The following CCDC178 variants were observed in gnomAD, a reference collection of about 807,000 sequenced individuals.
CCDC178 encodes coiled-coil domain containing 178.
CCDC178 carries 126 observed loss-of-function variants against 117.4 expected under a neutral mutation model. The observed-to-expected ratio is 1.07, with a 90% CI of 0.93 to 1.24. The LOEUF is 1.24. CCDC178 is among the 50% of genes most tolerant of loss of function. The pLI, the probability that CCDC178 is intolerant of heterozygous loss-of-function variation, is 0.00. For missense variants in CCDC178, 1,030 were observed against 986.9 expected (o/e 1.04, Z -0.59); for synonymous variants, 283 against 313.4 (o/e 0.90, Z 1.02).
intron 20 of CCDC178, among the ~76,000 whole-genome samples, chr18:33,150,395 T>G (rs271505): frequency 0.16 from 24,523 of 152,096 alleles, 2,762 homozygotes; most frequent in African/African-American, 0.32. Context: ...TGGGACCTAA[T>G]TAAACTAAAA....
At chr18:32,957,265 A>G (rs943629803) in intron 22 of CCDC178, among the ~76,000 whole-genome samples, 5 of 152,198 alleles carry the variant, frequency 3.3e-5, no homozygotes, top group African/African-American at 9.6e-5. Context: ...TAGAAATCAT[A>G]TGTTTAAAAG....
At chr18:33,236,066 A>G (rs1347458623) in intron 15 of CCDC178, among the ~76,000 whole-genome samples, 1 of 152,226 alleles carries the variant, frequency 6.6e-6, no homozygotes, top group Non-Finnish European at 1.5e-5. Flanking sequence ...CTGGCATTTT[A>G]CAGATGCATT....
chr18:33,433,561 T>C (rs975121155), intron 2 of CCDC178, among the ~76,000 whole-genome samples: 2 of 152,102 alleles, frequency 1.3e-5, no homozygotes, highest in Non-Finnish European at 2.9e-5. Flanking sequence ...CAGATCCCAG[T>C]AAGCCATCTA....
At position 33,014,871 on chromosome 18, in the gene CCDC178, G is replaced by A. The variant is rs76517466; in HGVS notation, c.2389-40190C>T. 2.9e-3 allele frequency among the ~76,000 whole-genome samples: 437 copies of A among 152,058 alleles called. 5 individuals carry two copies. Among genetic ancestry groups the A allele is most frequent in the African/African-American group, 1.0e-2 (414 of 41,496 alleles). On this transcript the variant is annotated intron_variant, in intron 21 of 22. Coordinates refer to ENST00000383096, the MANE Select transcript of CCDC178 (RefSeq NM_001105528.4). ...AAATAACAAGAACAAAAAACCCTGG[G>A]GAGAAAAAATTCGATTTCCAGAGTT...
intron 11 of CCDC178, among the ~76,000 whole-genome samples, chr18:33,298,891 C>T (rs2062141056): frequency 6.6e-6 from 1 of 151,262 alleles, no homozygotes; most frequent in East Asian, 1.9e-4. Context: ...AAAATAGCTA[C>T]AAAAAAAACT....
At chr18:33,014,729 A>G (rs764814518) in intron 21 of CCDC178, among the ~76,000 whole-genome samples, 2 of 152,186 alleles carry the variant, frequency 1.3e-5, no homozygotes, top group Non-Finnish European at 2.9e-5. Context: ...TCAAATTACT[A>G]GTCTGTTTGG....
At chr18:33,342,823 TAATAACTG>T (rs1328291402) in intron 9 of CCDC178, among the ~76,000 whole-genome samples, 2 of 152,180 alleles carry the variant, frequency 1.3e-5, no homozygotes, top group African/African-American at 2.4e-5. Flanking sequence ...ACAATTGTAG[TAATAACTG>T]AATAACTGAA....
chr18:33,432,762 C>T (rs995728246), intron 2 of CCDC178, among the ~76,000 whole-genome samples: 1 of 152,032 alleles, frequency 6.6e-6, no homozygotes, highest in Non-Finnish European at 1.5e-5. Flanking sequence ...TTTAATTGCA[C>T]GGCTTTGTCC....
At chr18:33,181,888 T>C (rs1306660539) in intron 20 of CCDC178, among the ~76,000 whole-genome samples, 1 of 151,812 alleles carries the variant, frequency 6.6e-6, no homozygotes, top group African/African-American at 2.4e-5. Flanking sequence ...AAGTCACTAA[T>C]CATAAAATCT....
At chr18:32,968,551 A>C (rs550891311) in intron 22 of CCDC178, among the ~76,000 whole-genome samples, 1 of 152,060 alleles carries the variant, frequency 6.6e-6, no homozygotes, top group Admixed American at 6.6e-5. Flanking sequence ...TGTGGTAGTT[A>C]TAGTTTTATT....
chr18:32,945,048 T>C (rs1568171549), intron 22 of CCDC178, among the ~76,000 whole-genome samples: 2 of 152,318 alleles, frequency 1.3e-5, no homozygotes, highest in East Asian at 1.9e-4. Flanking sequence ...AATAATATTC[T>C]AGCTAGTCAT....
chr18:33,331,944 T>C (rs747339034), intron 10 of CCDC178, among the ~76,000 whole-genome samples: 1 of 152,226 alleles, frequency 6.6e-6, no homozygotes, highest in Non-Finnish European at 1.5e-5. Context: ...TACAGTCAAA[T>C]AAGCAGTTTT....
Position 33,259,659 on chromosome 18 carries a change from C to G in CCDC178, c.1409+7257G>C, listed in dbSNP as rs373002755. ...CCCCCATGATTCAATCACCCCCCCCCACCAGTCCCTCTCCCAACATGTGGG... is the reference window on the plus strand; with the variant it reads ...CCCCCATGATTCAATCACCCCCCCCGACCAGTCCCTCTCCCAACATGTGGG... On this transcript the variant is annotated intron_variant, in intron 14 of 22. Transcript: ENST00000383096. 1.8e-3 allele frequency among the ~76,000 whole-genome samples: 279 copies of G among 152,208 alleles called. 13 individuals carry two copies. In the South Asian group the frequency reaches 0.056, roughly 31 times the overall value.
rs112220607 is a variant in CCDC178, at chr18:33,397,874, A to G, written c.59-666T>C. ...AACTTATGTAGGAACATATTTAATA[A>G]TTATATCTAGGCTTTAAAAAACTGT... On this transcript the variant is annotated intron_variant, in intron 3 of 22. Coordinates refer to ENST00000383096, the MANE Select transcript of CCDC178 (RefSeq NM_001105528.4). Among the ~76,000 whole-genome samples the G allele has an allele frequency of 3.2e-3, 482 of 152,276 alleles. 3 individuals carry two copies. Among genetic ancestry groups the G allele is most frequent in the African/African-American group, 0.011 (449 of 41,588 alleles).
At chr18:33,368,206 G>A (rs951072568) in intron 6 of CCDC178, among the ~76,000 whole-genome samples, 1 of 151,864 alleles carries the variant, frequency 6.6e-6, no homozygotes, top group Non-Finnish European at 1.5e-5. Flanking sequence ...TCTATAAAGG[G>A]CAAAACAATA....
At chr18:33,237,928 G>A (rs1329734019) in intron 15 of CCDC178, among the ~76,000 whole-genome samples, 1 of 152,156 alleles carries the variant, frequency 6.6e-6, no homozygotes, top group Non-Finnish European at 1.5e-5. Flanking sequence ...GACCCATCAT[G>A]TGTACACATG....
At chr18:33,278,282 C>CATATATATAT (rs36227101) in intron 12 of CCDC178, among the ~76,000 whole-genome samples, 5 of 141,392 alleles carry the variant, frequency 3.5e-5, no homozygotes, top group African/African-American at 1.3e-4. Context: ...TACACAAATA[C>CATATATATAT]ATATATATAT....
chr18:33,073,541 ATCTATC>A (rs1567971344), intron 21 of CCDC178, among the ~76,000 whole-genome samples: 31 of 149,978 alleles, frequency 2.1e-4, no homozygotes, highest in Non-Finnish European at 3.1e-4. Flanking sequence ...CTATCTATCT[ATCTATC>A]TATCTATATA....
At chr18:33,139,356 G>A (rs2058168818) in intron 20 of CCDC178, among the ~76,000 whole-genome samples, 1 of 152,190 alleles carries the variant, frequency 6.6e-6, no homozygotes, top group African/African-American at 2.4e-5. Flanking sequence ...GTAACAGGCT[G>A]AGGTTGGAAC....
Sources: gnomAD v4.1 joint callset for allele counts (sites outside exome capture counted in the v4.1 genomes callset) on GRCh38, gnomAD v4.1.1 for gene constraint, MANE v1.5 for transcripts, NCBI Gene and HGNC (gene_info 2026-07-23, HGNC 2026-07-21) for gene names.